CEP83: variants seen among roughly 807,000 people sequenced by gnomAD.
CEP83 encodes the protein centrosomal protein of 83 kDa.
Under a neutral mutation model 101.9 loss-of-function variants are expected in CEP83, and 70 were observed. The observed-to-expected ratio is 0.69, with a 90% confidence interval of 0.57 to 0.84. The LOEUF (loss-of-function observed/expected upper bound fraction) is 0.84, where lower values mean the gene tolerates loss of function less well. Among genes scored for constraint, CEP83 ranks in the 40% least tolerant of loss-of-function variants. CEP83 has a pLI of 0.00. For missense variants in CEP83, 715 were observed against 787.2 expected (o/e 0.91, Z 1.10); for synonymous variants, 264 against 267.9 (o/e 0.99, Z 0.14).
chr12:94,307,049 C>T (rs1317776233), downstream of CEP83: 1 of 152,196 alleles, frequency 6.6e-6, no homozygotes, highest in Non-Finnish European at 1.5e-5. Context: ...AAGACTTCCC[C>T]TACTACTTTA....
intron 14 of CEP83, among the ~76,000 whole-genome samples, chr12:94,322,197 TA>T: frequency 1.3e-5 from 2 of 152,270 alleles, no homozygotes; most frequent in South Asian, 4.1e-4. Context: ...CATGCTTTGC[TA>T]GGGGTCCACT....
the CEP83 span, among the ~76,000 whole-genome samples, chr12:94,291,368 C>A: frequency 1.3e-5 from 2 of 152,118 alleles, no homozygotes; most frequent in African/African-American, 4.8e-5. Context: ...GGACTACAGG[C>A]GTGTGCCACA....
intron 11 of CEP83, chr12:94,361,197 G>C (rs948036586): frequency 3.3e-5 from 5 of 152,146 alleles, no homozygotes; most frequent in Admixed American, 3.3e-4. Context: ...TTACGGGTGA[G>C]ACCTCAATAA....
chr12:94,390,319 T>C (rs1290338348), intron 6 of CEP83, among the ~76,000 whole-genome samples: 1 of 152,144 alleles, frequency 6.6e-6, no homozygotes, highest in Non-Finnish European at 1.5e-5. Flanking sequence ...CTGCTGGTGA[T>C]ACCCAGGCAA....
chr12:94,399,271 G>A (rs975309570), intron 6 of CEP83, among the ~76,000 whole-genome samples: 12 of 152,134 alleles, frequency 7.9e-5, no homozygotes, highest in Non-Finnish European at 1.6e-4. Context: ...CCCAGGGGCC[G>A]AGCTGTAAAA....
intron 1 of CEP83, among the ~76,000 whole-genome samples, chr12:94,441,931 A>C (rs1428410468): frequency 1.3e-5 from 2 of 151,604 alleles, no homozygotes; most frequent in South Asian, 2.1e-4. Flanking sequence ...AAAAAAAAAA[A>C]AAAAAACTAA....
chr12:94,377,882 T>C (rs949104612), intron 7 of CEP83, among the ~76,000 whole-genome samples: 3 of 152,194 alleles, frequency 2.0e-5, no homozygotes, highest in African/African-American at 4.8e-5. Flanking sequence ...ACAATGATAC[T>C]GACAACTTTT....
chr12:94,276,185 TAAAC>T, the CEP83 span, among the ~76,000 whole-genome samples: 1 of 152,216 alleles, frequency 6.6e-6, no homozygotes, highest in Non-Finnish European at 1.5e-5. Context: ...ATAAAACTAT[TAAAC>T]AAGCTGAGAT....
intron 8 of CEP83, among the ~76,000 whole-genome samples, chr12:94,372,795 G>C (rs1425833965): frequency 6.6e-6 from 1 of 152,182 alleles, no homozygotes; most frequent in African/African-American, 2.4e-5. Context: ...TGTTAAACCA[G>C]TGGTATATGC....
At chr12:94,440,936 C>A (rs1217648422) in intron 1 of CEP83, among the ~76,000 whole-genome samples, 1 of 152,106 alleles carries the variant, frequency 6.6e-6, no homozygotes, top group Non-Finnish European at 1.5e-5. Flanking sequence ...AGAGAAACGA[C>A]AACCTATTCA....
chr12:94,337,491 G>C (rs911681017), intron 11 of CEP83, among the ~76,000 whole-genome samples: 1 of 152,134 alleles, frequency 6.6e-6, no homozygotes, highest in African/African-American at 2.4e-5. Flanking sequence ...ATAGGAATAA[G>C]ACTAATGGTA....
chr12:94,394,055 T>C (rs2062732276), intron 6 of CEP83, among the ~76,000 whole-genome samples: 1 of 152,112 alleles, frequency 6.6e-6, no homozygotes, highest in Non-Finnish European at 1.5e-5. Flanking sequence ...CTGCCCAAGG[T>C]AATTTAGATT....
intron 2 of CEP83, among the ~76,000 whole-genome samples, chr12:94,433,689 AAAAAG>A (rs1344212854): frequency 9.5e-4 from 145 of 152,164 alleles, no homozygotes; most frequent in African/African-American, 3.2e-3. Flanking sequence ...CTCAAAAAAA[AAAAAG>A]AAAAGAAAAG....
At chr12:94,339,862 T>C (rs893934915) in intron 11 of CEP83, among the ~76,000 whole-genome samples, 12 of 152,200 alleles carry the variant, frequency 7.9e-5, no homozygotes, top group East Asian at 3.9e-4. Context: ...GATACAATAA[T>C]TGATAGGAAT....
chr12:94,354,927 G>A (rs193256318), intron 11 of CEP83, among the ~76,000 whole-genome samples: 7 of 152,254 alleles, frequency 4.6e-5, no homozygotes, highest in African/African-American at 1.7e-4. Context: ...GCTTGAATCT[G>A]GGAGGTGGAG....
At chr12:94,279,694 TC>T in the CEP83 span, 1 of 1,554,368 alleles carries the variant, frequency 6.4e-7, no homozygotes, top group East Asian at 2.2e-5. Flanking sequence ...CTGATGAGTG[TC>T]CCTCCCTGCC....
At chr12:94,441,250 G>A (rs1189490065) in intron 1 of CEP83, among the ~76,000 whole-genome samples, 2 of 152,156 alleles carry the variant, frequency 1.3e-5, no homozygotes, top group African/African-American at 4.8e-5. Context: ...CACAGAGTGG[G>A]AGAAAATATT....
At chr12:94,310,224 T>C (rs1273045303) in intron 15 of CEP83, 117 bp from the exon 16 acceptor site, 1 of 383,440 alleles carries the variant, frequency 2.6e-6, no homozygotes, top group Non-Finnish European at 4.5e-6. Flanking sequence ...ATATATAATA[T>C]ATAGATAAAA....
At chr12:94,408,897 T>C (rs558842228) in intron 4 of CEP83, among the ~76,000 whole-genome samples, 121 of 152,296 alleles carry the variant, frequency 7.9e-4, no homozygotes, top group Non-Finnish European at 1.2e-3. Context: ...TTCTATGCAC[T>C]GTCTCATTTC....
Sources: allele counts gnomAD v4.1 joint callset (sites outside exome capture counted in the v4.1 genomes callset), GRCh38; gene constraint gnomAD v4.1.1; transcripts MANE v1.5; gene names NCBI Gene and HGNC (gene_info 2026-07-23, HGNC 2026-07-21).